The following ANKRD36B variants were observed in gnomAD, a reference collection of about 807,000 sequenced individuals.
ANKRD36B encodes ankyrin repeat domain 36B.
Under a neutral mutation model 135.7 loss-of-function variants are expected in ANKRD36B, and 37 were observed. That is an observed-to-expected ratio of 0.27 (90% CI 0.21 to 0.36). The LOEUF (loss-of-function observed/expected upper bound fraction) is 0.36. Among genes scored for constraint, ANKRD36B ranks in the 10% least tolerant of loss-of-function variants. The pLI is 1.00. For synonymous variants in ANKRD36B, 179 were observed against 348.1 expected (o/e 0.51, Z 5.41); for missense variants, 549 against 1,037.1 (o/e 0.53, Z 6.46).
chr2:97,572,001 G>A (rs1039633495), intron 6 of ANKRD36B, among the ~76,000 whole-genome samples: 5 of 152,124 alleles, frequency 3.3e-5, no homozygotes, highest in East Asian at 1.9e-4. Flanking sequence ...AGACCAGCAC[G>A]ATGGCTCATG....
At chr2:97,543,124 AAAG>A (rs2079231814) in intron 26 of ANKRD36B, among the ~76,000 whole-genome samples, 2 of 152,144 alleles carry the variant, frequency 1.3e-5, no homozygotes, top group Admixed American at 1.3e-4. Context: ...TAACAGTAAC[AAAG>A]AAGAGTAATT....
At chr2:97,558,908 A>C in intron 9 of ANKRD36B, 37 bp from the exon 10 acceptor site, 1 of 1,608,800 alleles carries the variant, frequency 6.2e-7, no homozygotes, top group Admixed American at 1.7e-5. Flanking sequence ...CAATATGTAA[A>C]GTAGGTTTCA....
chr2:97,536,565 T>G, intron 32 of ANKRD36B, 69 bp from the exon 33 acceptor site: 1 of 689,764 alleles, frequency 1.4e-6, no homozygotes, highest in Non-Finnish European at 2.4e-6. Context: ...CGTGGAGTGT[T>G]AGCATCAAAC....
rs2082883033 is a variant in ANKRD36B at position 97,585,068 on chromosome 2, C to T, written c.326G>A (p.Gly109Asp). Residue 109 changes from glycine to aspartate, a missense_variant, in exon 3 of 44, where the codon GGC becomes GAC. Physicochemically the swap from Gly to Asp is moderately conservative, Grantham distance 94. Transcript: ENST00000359901. ...GACATCCGTAATATTTGGATCGGCG[C>T]CATTTTGCAGCAGAAGAGTTGCACA... ...EACATLLLQNGADPNITDVFG... is the reference protein window; with the variant it reads ...EACATLLLQNDADPNITDVFG... 1 of 1,612,906 alleles carries T rather than the reference C, an allele frequency of 6.2e-7. No individual in the cohort carries two copies. The highest frequency in any genetic ancestry group is 8.5e-7 in the Non-Finnish European group (1 of 1,179,824).
rs2104389862 is a variant in ANKRD36B, at chr2:97,524,526, AGT to A, written c.2266-1061_2266-1060del. 2.1e-5 allele frequency: 2 copies of A among 96,292 alleles called. 1 individual carries two copies. Among genetic ancestry groups the A allele is most frequent in the African/African-American group, 6.2e-5 (2 of 32,184 alleles). The allele number at this position is 96,292 out of a possible 1,614,324, so 6.0% of individuals were successfully genotyped here. ...TGGCAAGCATATTCTGGAGACCCAG[AGT>A]ATGAATGAGAAAGAAAGGCATTTTT... is the stretch of plus-strand genomic sequence containing the variant. On this transcript the variant is annotated intron_variant, in intron 35 of 43. Coordinates refer to ENST00000359901, the MANE Select transcript of ANKRD36B (RefSeq NM_001393939.1).
Position 97,556,923 on chromosome 2 carries a change from T to C in ANKRD36B, c.1069+14A>G. On this transcript the variant is annotated intron_variant, in intron 12 of 43. Transcript: ENST00000359901. ...TTGAGTGCACATGACATTAAATGTG[T>C]ATTGCCAAATTACCTGTTCCAGATT... The C allele has an allele frequency of 6.3e-7, 1 of 1,577,860 alleles. No individual in the cohort carries two copies. Among genetic ancestry groups the C allele is most frequent in the South Asian group, 1.2e-5 (1 of 86,226 alleles).
intron 20 of ANKRD36B, among the ~76,000 whole-genome samples, chr2:97,548,103 T>C (rs1305105620): frequency 6.6e-6 from 1 of 151,794 alleles, no homozygotes; most frequent in African/African-American, 2.4e-5. Flanking sequence ...CCACATGTCT[T>C]TCATGCAACA....
chr2:97,525,314 C>T (rs2078132397), intron 35 of ANKRD36B, among the ~76,000 whole-genome samples: 1 of 96,746 alleles, frequency 1.0e-5, no homozygotes, highest in African/African-American at 3.1e-5. Context: ...ACAGTGTACA[C>T]TTGAGTGCTT....
chr2:97,525,410 C>A lies in ANKRD36B; in HGVS notation c.2266-1943G>T, dbSNP rs2078135936. Among the ~76,000 whole-genome samples, 2 of 96,950 alleles carry A rather than the reference C, an allele frequency of 2.1e-5. 1 individual carries two copies. Among genetic ancestry groups the A allele is most frequent in the African/African-American group, 6.2e-5 (2 of 32,268 alleles). 63.6% of individuals were successfully genotyped at this position (96,950 alleles called of 152,430 possible). Reference sequence around the variant, plus strand: ...CACCAGTCAGTAAGAAAAGCAAATTCTTTGTCTGGCAGCCAAGATGGCCAA... The same window carrying A: ...CACCAGTCAGTAAGAAAAGCAAATTATTTGTCTGGCAGCCAAGATGGCCAA... On this transcript the variant is annotated intron_variant, in intron 35 of 43. Coordinates refer to ENST00000359901, the MANE Select transcript of ANKRD36B (RefSeq NM_001393939.1).
chr2:97,574,779 A>T (rs910367952), intron 6 of ANKRD36B, among the ~76,000 whole-genome samples: 3 of 152,018 alleles, frequency 2.0e-5, no homozygotes, highest in African/African-American at 7.2e-5. Flanking sequence ...TATTTCCACA[A>T]GGAGCAGATA....
intron 8 of ANKRD36B, among the ~76,000 whole-genome samples, chr2:97,559,218 A>G (rs2080804527): frequency 6.6e-6 from 1 of 151,818 alleles, no homozygotes; most frequent in Admixed American, 6.6e-5. Context: ...ACATGGTATG[A>G]TTCGTGATAC....
chr2:97,528,648 G>C, intron 35 of ANKRD36B, among the ~76,000 whole-genome samples: 1 of 95,874 alleles, frequency 1.0e-5, no homozygotes, highest in Non-Finnish European at 2.8e-5. Context: ...AAAATTGATA[G>C]ACCGCTAGCA....
At chr2:97,585,679 G>A (rs938264779) in intron 1 of ANKRD36B, among the ~76,000 whole-genome samples, 14 of 152,170 alleles carry the variant, frequency 9.2e-5, no homozygotes, top group African/African-American at 1.4e-4. Flanking sequence ...AAATATGTAA[G>A]AGAATAGTAG....
intron 43 of ANKRD36B, among the ~76,000 whole-genome samples, chr2:97,502,266 AT>A (rs1400407768): frequency 2.4e-5 from 2 of 82,884 alleles, no homozygotes; most frequent in African/African-American, 6.2e-5. Context: ...ATGGAAAAAA[AT>A]CTTGACATTT....
At chr2:97,514,903 A>AT (rs1290812182) in intron 37 of ANKRD36B, among the ~76,000 whole-genome samples, 785 of 69,726 alleles carry the variant, frequency 0.011, 154 homozygotes, top group East Asian at 0.06. Flanking sequence ...AACTGGATAC[A>AT]TTTTTTTTTT....
At position 97,589,625 on chromosome 2, in the gene ANKRD36B, G is replaced by C; in HGVS notation, c.61C>G (p.Leu21Val). The change falls in exon 1 of 44, where the codon CTG (leucine) becomes GTG (valine). Residue 21 changes from leucine (L) to valine (V), a missense_variant. Coordinates refer to ENST00000359901, the MANE Select transcript of ANKRD36B (RefSeq NM_001393939.1). Reference protein sequence around the residue: ...FPHYYIKPYHLKRIHRAVLRG... With the variant: ...FPHYYIKPYHVKRIHRAVLRG... Reference sequence around the variant, plus strand: ...AAGACAGCTCTGTGGATCCTCTTCAGATGATACGGTTTAATGTAGTAATGG... The same window carrying C: ...AAGACAGCTCTGTGGATCCTCTTCACATGATACGGTTTAATGTAGTAATGG... The C allele has an allele frequency of 6.2e-7, 1 of 1,614,172 alleles. No homozygotes were observed.
chr2:97,546,797 G>T (rs1170153348), intron 22 of ANKRD36B, among the ~76,000 whole-genome samples: 1 of 151,606 alleles, frequency 6.6e-6, no homozygotes, highest in Non-Finnish European at 1.5e-5. Flanking sequence ...GAACAAGGAA[G>T]CAAATTTATT....
chr2:97,550,290 T>A (rs1212642152), intron 18 of ANKRD36B, among the ~76,000 whole-genome samples: 1 of 150,130 alleles, frequency 6.7e-6, no homozygotes, highest in Admixed American at 6.7e-5. Flanking sequence ...AAGGATAATA[T>A]ATTAGCCTCA....
chr2:97,570,883 C>CT (rs2081802511), intron 6 of ANKRD36B, among the ~76,000 whole-genome samples: 2 of 152,186 alleles, frequency 1.3e-5, no homozygotes, highest in African/African-American at 4.8e-5. Flanking sequence ...AATTAGTTTT[C>CT]TTTAAGGTGA....
Sources: allele counts gnomAD v4.1 joint callset (sites outside exome capture counted in the v4.1 genomes callset), GRCh38; gene constraint gnomAD v4.1.1; transcripts MANE v1.5; gene names NCBI Gene and HGNC (gene_info 2026-07-23, HGNC 2026-07-21).